Variants in DYDC1 observed in about 807,000 individuals in gnomAD.
DYDC1 encodes DPY30 domain-containing protein 1.
DYDC1 carries 21 observed loss-of-function variants against 27.9 expected under a neutral mutation model. The observed-to-expected ratio is 0.75, with a 90% CI of 0.53 to 1.08. The LOEUF (loss-of-function observed/expected upper bound fraction) is 1.08, where lower values mean the gene tolerates loss of function less well. Ranked by LOEUF, DYDC1 falls within the 50% of genes least tolerant of loss-of-function variation. The probability of loss-of-function intolerance (pLI) is 0.00; values close to 1 mark genes in which losing one functional copy is unlikely to be tolerated. For missense variants in DYDC1, 202 were observed against 205.9 expected (o/e 0.98, Z 0.12); for synonymous variants, 67 against 65.8 (o/e 1.02, Z -0.09).
intron 6 of DYDC1, 78 bp from the exon 7 acceptor site, chr10:80,336,263 T>G: frequency 2.0e-6 from 3 of 1,478,754 alleles, no homozygotes; most frequent in South Asian, 1.4e-5. Flanking sequence ...AAATAAACTT[T>G]AGGTAACTTC....
chr10:80,337,800 C>A (rs1842182408), intron 6 of DYDC1, among the ~76,000 whole-genome samples: 1 of 152,142 alleles, frequency 6.6e-6, no homozygotes, highest in Non-Finnish European at 1.5e-5. Flanking sequence ...TGCTGGCTGT[C>A]CCCCCTTGTC....
At chr10:80,338,313 C>T (rs72815329) in intron 6 of DYDC1, 154 bp downstream of exon 6, 116,201 of 1,362,468 alleles carry the variant, frequency 0.085, 5,414 homozygotes, top group Middle Eastern at 0.16. Flanking sequence ...GAATATAATC[C>T]GCAACCAGGG....
At chr10:80,336,667 A>G (rs1435481709) in intron 6 of DYDC1, among the ~76,000 whole-genome samples, 1 of 152,268 alleles carries the variant, frequency 6.6e-6, no homozygotes, top group African/African-American at 2.4e-5. Flanking sequence ...CATCTCTGCA[A>G]CTGAAGCCAT....
chr10:80,352,162 C>G (rs575433288), intron 2 of DYDC1, among the ~76,000 whole-genome samples, 160 bp from the exon 3 acceptor site: 1 of 152,250 alleles, frequency 6.6e-6, no homozygotes, highest in African/African-American at 2.4e-5. Flanking sequence ...GATATTTTAT[C>G]TGAATAATGA....
At chr10:80,343,619 T>C (rs779575207) in intron 3 of DYDC1, among the ~76,000 whole-genome samples, 5 of 149,872 alleles carry the variant, frequency 3.3e-5, no homozygotes, top group Non-Finnish European at 7.4e-5. Context: ...AACAAAATTT[T>C]GAGAAAAAAA....
At position 80,352,508 on chromosome 10, in the gene DYDC1, A is replaced by T; in HGVS notation, c.94T>A (p.Tyr32Asn). ...TACTTGTAAATCCACAATGCTAAAT[A>T]TTCTATCGGATCCACTGGGCGAACT... ...ARVRPVDPIEYLALWIYKYKE... is the reference protein window; with the variant it reads ...ARVRPVDPIENLALWIYKYKE... The change falls in exon 2 of 7, where the codon TAT (tyrosine) becomes AAT (asparagine). Residue 32 changes from tyrosine (Y) to asparagine (N), a missense_variant. Tyr to Asn is a moderately radical substitution (Grantham distance 143). Coordinates refer to ENST00000372202, the MANE Select transcript of DYDC1 (RefSeq NM_001269053.2). 2 of 1,613,536 alleles carry T rather than the reference A, an allele frequency of 1.2e-6. No homozygotes were observed. The highest frequency in any genetic ancestry group is 1.7e-6 in the Non-Finnish European group (2 of 1,179,790).
At chr10:80,336,470 G>T (rs1264759477) in intron 6 of DYDC1, 1 of 509,772 alleles carries the variant, frequency 2.0e-6, no homozygotes, top group Non-Finnish European at 2.5e-6. Flanking sequence ...ATTGCTAATG[G>T]TTCCTCCCTG....
chr10:80,355,679 G>C (rs1011061014), intron 1 of DYDC1, among the ~76,000 whole-genome samples: 1 of 152,084 alleles, frequency 6.6e-6, no homozygotes, highest in Non-Finnish European at 1.5e-5. Context: ...CTAAGACACA[G>C]AATAAAGAAA....
chr10:80,346,570 C>T (rs981750158), intron 3 of DYDC1, among the ~76,000 whole-genome samples: 1 of 149,408 alleles, frequency 6.7e-6, no homozygotes, highest in African/African-American at 2.5e-5. Context: ...ACACCATTCT[C>T]CTGTCTCAGC....
chr10:80,353,992 T>C (rs1843176872), intron 1 of DYDC1, among the ~76,000 whole-genome samples: 1 of 151,982 alleles, frequency 6.6e-6, no homozygotes, highest in African/African-American at 2.4e-5. Flanking sequence ...GGCGGGCGCC[T>C]GTAGTCCCAG....
intron 3 of DYDC1, among the ~76,000 whole-genome samples, chr10:80,344,349 C>T (rs1842486265): frequency 6.6e-6 from 1 of 152,130 alleles, no homozygotes; most frequent in Admixed American, 6.5e-5. Flanking sequence ...TTGGTGAGAG[C>T]AGCTGCTCAG....
chr10:80,348,007 T>C (rs890264899), intron 3 of DYDC1, among the ~76,000 whole-genome samples: 1 of 152,212 alleles, frequency 6.6e-6, no homozygotes, highest in African/African-American at 2.4e-5. Context: ...ATTGGAATTT[T>C]GATAGGGATT....
intron 6 of DYDC1, among the ~76,000 whole-genome samples, chr10:80,336,741 C>T (rs1015771218): frequency 1.3e-5 from 2 of 152,220 alleles, no homozygotes; most frequent in African/African-American, 4.8e-5. Flanking sequence ...ACTCTTAACT[C>T]AGTAGCCCAA....
At chr10:80,338,326 C>A in intron 6 of DYDC1, 141 bp downstream of exon 6, 1 of 1,377,384 alleles carries the variant, frequency 7.3e-7, no homozygotes, top group South Asian at 1.8e-5. Context: ...AACCAGGGAA[C>A]TGATTTTCTT....
At chr10:80,353,001 A>C (rs1843096480) in intron 1 of DYDC1, among the ~76,000 whole-genome samples, 1 of 152,316 alleles carries the variant, frequency 6.6e-6, no homozygotes, top group South Asian at 2.1e-4. Context: ...GCGTAAGTGC[A>C]CAGTTCAGGA....
At chr10:80,342,871 C>G (rs1178719866) in intron 3 of DYDC1, among the ~76,000 whole-genome samples, 1 of 151,320 alleles carries the variant, frequency 6.6e-6, no homozygotes, top group Non-Finnish European at 1.5e-5. Flanking sequence ...ATCTCAGCTA[C>G]TCGGGAGGCT....
intron 4 of DYDC1, among the ~76,000 whole-genome samples, chr10:80,340,394 G>GC (rs1842280101): frequency 6.6e-6 from 1 of 152,132 alleles, no homozygotes; most frequent in Admixed American, 6.5e-5. Context: ...ACTTTGCAGG[G>GC]GACTACCTAT....
At chr10:80,346,845 T>C (rs1589509731) in intron 3 of DYDC1, among the ~76,000 whole-genome samples, 1 of 151,110 alleles carries the variant, frequency 6.6e-6, no homozygotes, top group Non-Finnish European at 1.5e-5. Context: ...GAGGCCGAGG[T>C]GGGTGGATCA....
intron 3 of DYDC1, among the ~76,000 whole-genome samples, chr10:80,347,305 T>TTTTTTTTTTTTTTTTTTTTTTTTTG (rs1360993618): frequency 1.9e-5 from 2 of 105,568 alleles, no homozygotes; most frequent in African/African-American, 7.6e-5. Context: ...TTTTTTTTTT[T>TTTTTTTTTTTTTTTTTTTTTTTTTG]GCTATTGAGT....
Sources: allele counts gnomAD v4.1 joint callset (sites outside exome capture counted in the v4.1 genomes callset), GRCh38; gene constraint gnomAD v4.1.1; transcripts MANE v1.5; gene names NCBI Gene and HGNC (gene_info 2026-07-23, HGNC 2026-07-21).